The following PTPN12 variants were observed in gnomAD, a reference collection of about 807,000 sequenced individuals.
The protein encoded by PTPN12 is protein tyrosine phosphatase non-receptor type 12, also known as tyrosine-protein phosphatase non-receptor type 12.
PTPN12 carries 29 observed loss-of-function variants against 97.6 expected under a neutral mutation model. The ratio of observed to expected loss-of-function variants is 0.30; its 90% CI spans 0.22 to 0.41. PTPN12 has a LOEUF of 0.41. PTPN12 is among the 10% of genes least tolerant of loss of function. PTPN12 has a pLI of 1.00. For missense variants in PTPN12, 819 were observed against 926.0 expected (o/e 0.88, Z 1.50); for synonymous variants, 327 against 300.4 (o/e 1.09, Z -0.91).
intron 7 of PTPN12, among the ~76,000 whole-genome samples, chr7:77,599,861 C>T (rs1317392168): frequency 6.6e-6 from 1 of 152,176 alleles, no homozygotes; most frequent in Non-Finnish European, 1.5e-5. Context: ...ATTCTCAAAA[C>T]ATTTGACATC....
chr7:77,549,790 C>T (rs1807399859), intron 1 of PTPN12, among the ~76,000 whole-genome samples: 1 of 151,958 alleles, frequency 6.6e-6, no homozygotes, highest in African/African-American at 2.4e-5. Context: ...CTATGTTGCC[C>T]AGCTGGTCTC....
intron 11 of PTPN12, among the ~76,000 whole-genome samples, chr7:77,613,522 A>G (rs775968402): frequency 2.6e-5 from 4 of 152,042 alleles, no homozygotes; most frequent in African/African-American, 4.8e-5. Context: ...CCATGAATTC[A>G]AGATTAATTT....
chr7:77,564,746 G>GGTTTTTTTTTTTTT (rs1808162192), intron 1 of PTPN12, among the ~76,000 whole-genome samples: 4 of 45,402 alleles, frequency 8.8e-5, no homozygotes, highest in African/African-American at 3.6e-4. Context: ...TTGTTGTCGT[G>GGTTTTTTTTTTTTT]TTTTTTTTTT....
intron 16 of PTPN12, among the ~76,000 whole-genome samples, chr7:77,638,405 G>A (rs894685964): frequency 2.0e-5 from 3 of 152,188 alleles, no homozygotes; most frequent in Admixed American, 2.0e-4. Flanking sequence ...CATTGCAGAA[G>A]TACTCACTGC....
chr7:77,598,052 A>T lies in PTPN12; in HGVS notation c.552+151A>T, dbSNP rs565319644. The T allele has an allele frequency of 1.1e-5, 12 of 1,068,896 alleles. No homozygotes were observed. The African/African-American group carries it at 2.0e-4, about 17-fold the overall frequency. The allele number at this position is 1,068,896 out of a possible 1,614,324, so 66.2% of individuals were successfully genotyped here. On this transcript the variant is annotated intron_variant, in intron 7 of 17. Coordinates refer to ENST00000248594, the MANE Select transcript of PTPN12 (RefSeq NM_002835.4). ...AGACTAGCCTGGGCAACATAGTGAG[A>T]TCTTGTGTCTACAAAAAGAAAAAAG...
At chr7:77,599,036 G>A (rs532576940) in intron 7 of PTPN12, among the ~76,000 whole-genome samples, 1 of 151,186 alleles carries the variant, frequency 6.6e-6, no homozygotes, top group Non-Finnish European at 1.5e-5. Flanking sequence ...TTACGAAGAT[G>A]AAATGAGAGT....
chr7:77,618,777 G>A (rs141294449), intron 12 of PTPN12, among the ~76,000 whole-genome samples: 12 of 152,264 alleles, frequency 7.9e-5, no homozygotes, highest in African/African-American at 2.6e-4. Flanking sequence ...TACTGTAGCA[G>A]AATGTGGATA....
At chr7:77,559,602 A>G (rs988572640) in intron 1 of PTPN12, among the ~76,000 whole-genome samples, 3 of 152,244 alleles carry the variant, frequency 2.0e-5, no homozygotes, top group Admixed American at 1.3e-4. Flanking sequence ...TATTACCTTC[A>G]TATGTCAATA....
rs542949713 is a variant in PTPN12 at position 77,633,391 on chromosome 7, C to T, written c.2074+966C>T. Among the ~76,000 whole-genome samples, 294 of 152,186 alleles carry T rather than the reference C, an allele frequency of 1.9e-3. 1 individual carries two copies. Among genetic ancestry groups the T allele is most frequent in the Middle Eastern group, 3.4e-3 (1 of 294 alleles). ...TTGGGAGACCAAGGCGGGCAGATCACGAGGTCAGGACATCAAGACCATCCT... is the reference window on the plus strand; with the variant it reads ...TTGGGAGACCAAGGCGGGCAGATCATGAGGTCAGGACATCAAGACCATCCT... On this transcript the variant is annotated intron_variant, in intron 14 of 17. Transcript: ENST00000248594.
intron 7 of PTPN12, among the ~76,000 whole-genome samples, chr7:77,598,243 A>T (rs1243461548): frequency 1.3e-5 from 2 of 151,886 alleles, no homozygotes; most frequent in Admixed American, 1.3e-4. Flanking sequence ...TTTCAAAGAG[A>T]AGACATAGAG....
Position 77,625,472 on chromosome 7 carries a change from G to GCTCGCGCGCTCTCT in PTPN12, c.1026-1230_1026-1229insGCGCGCTCTCTCTC. Among the ~76,000 whole-genome samples, 216 of 33,520 alleles carry GCTCGCGCGCTCTCT rather than the reference G, an allele frequency of 6.4e-3. 26 individuals are homozygous for GCTCGCGCGCTCTCT. Among genetic ancestry groups the GCTCGCGCGCTCTCT allele is most frequent in the African/African-American group, 0.014 (104 of 7,520 alleles). The allele number at this position is 33,520 out of a possible 152,430, so 22.0% of individuals were successfully genotyped here. A position where few individuals can be genotyped will look rare whatever the true frequency, so the allele number is the denominator to read the frequency against. ...TTTTGCCATATTGCCCAGGCTGCTC[G>GCTCGCGCGCTCTCT]CTCTCTCTCTCTCTCTCTCTCTCTC... On this transcript the variant is annotated intron_variant, in intron 12 of 17. Coordinates refer to ENST00000248594, the MANE Select transcript of PTPN12 (RefSeq NM_002835.4).
At chr7:77,596,463 C>T (rs1422788458) in intron 6 of PTPN12, among the ~76,000 whole-genome samples, 1 of 152,074 alleles carries the variant, frequency 6.6e-6, no homozygotes, top group African/African-American at 2.4e-5. Flanking sequence ...TGGAATGCAG[C>T]GACGTGATCG....
intron 1 of PTPN12, among the ~76,000 whole-genome samples, chr7:77,554,754 A>G (rs1179449858): frequency 6.6e-6 from 1 of 152,198 alleles, no homozygotes; most frequent in African/African-American, 2.4e-5. Context: ...ATCATGGCAC[A>G]CTGCAGCCTT....
At chr7:77,538,917 G>A (rs1330762902) in intron 1 of PTPN12, 2 of 152,122 alleles carry the variant, frequency 1.3e-5, no homozygotes, top group African/African-American at 4.8e-5. Context: ...CGGGGGTTGG[G>A]AATGGGAAAT....
At chr7:77,608,472 G>C (rs2151373797) in intron 9 of PTPN12, among the ~76,000 whole-genome samples, 1 of 152,214 alleles carries the variant, frequency 6.6e-6, no homozygotes, top group South Asian at 2.1e-4. Flanking sequence ...TTATAGATTT[G>C]AAAAACAAGT....
At chr7:77,583,312 G>T (rs1325804886) in intron 3 of PTPN12, among the ~76,000 whole-genome samples, 1 of 152,056 alleles carries the variant, frequency 6.6e-6, no homozygotes, top group African/African-American at 2.4e-5. Context: ...AGCATAAGGC[G>T]GTTCTTAAAT....
intron 4 of PTPN12, chr7:77,585,163 A>G (rs1467397578): frequency 6.5e-6 from 1 of 152,774 alleles, no homozygotes; most frequent in East Asian, 1.9e-4. Context: ...ATGGTGTTAA[A>G]CGCATTCAAT....
In PTPN12 at chr7:77,550,738, T is replaced by C. The variant is rs180677609; in HGVS notation, c.99+13093T>C. On this transcript the variant is annotated intron_variant, in intron 1 of 17. Transcript: ENST00000248594. ...GGGTAGAAAAGGACTCTGGTGACGCTTTCTTGGATGTTTTTCTGCTAAAGA... is the reference window on the plus strand; with the variant it reads ...GGGTAGAAAAGGACTCTGGTGACGCCTTCTTGGATGTTTTTCTGCTAAAGA... Among the ~76,000 whole-genome samples the C allele has an allele frequency of 2.6e-5, 4 of 152,324 alleles. No individual in the cohort carries two copies. The East Asian group carries it at 5.8e-4, about 22-fold the overall frequency.
intron 2 of PTPN12, among the ~76,000 whole-genome samples, chr7:77,574,573 G>A (rs1787277562): frequency 6.6e-6 from 1 of 152,070 alleles, no homozygotes. Context: ...GTATGGGAGT[G>A]GACAGGCTGC....
Sources: allele counts gnomAD v4.1 joint callset (sites outside exome capture counted in the v4.1 genomes callset), GRCh38; gene constraint gnomAD v4.1.1; transcripts MANE v1.5; gene names NCBI Gene and HGNC (gene_info 2026-07-23, HGNC 2026-07-21).